CNTN5: variants seen among roughly 807,000 people sequenced by gnomAD.
CNTN5 encodes the protein contactin-5.
A neutral mutation model predicts 129.1 loss-of-function variants in CNTN5; 77 were observed. The observed-to-expected ratio is 0.60, with a 90% CI of 0.50 to 0.72. The LOEUF (loss-of-function observed/expected upper bound fraction) is 0.72. Among genes scored for constraint, CNTN5 ranks in the 30% least tolerant of loss-of-function variants. CNTN5 has a pLI of 0.00. For synonymous variants in CNTN5, 509 were observed against 465.6 expected, an observed-to-expected ratio of 1.09 and a Z score of -1.20; for missense variants, 1,478 against 1,328.8, an observed-to-expected ratio of 1.11 and a Z score of -1.75.
intron 2 of CNTN5, among the ~76,000 whole-genome samples, chr11:99,519,088 C>T (rs1450659855): frequency 1.3e-5 from 2 of 151,996 alleles, no homozygotes; most frequent in East Asian, 1.9e-4. Context: ...ACCAGTACCC[C>T]ATCTCCAACT....
At chr11:99,233,945 C>CAAATAAATAAAT (rs144108946) in intron 1 of CNTN5, among the ~76,000 whole-genome samples, 22 of 150,666 alleles carry the variant, frequency 1.5e-4, no homozygotes, top group African/African-American at 3.2e-4. Flanking sequence ...GACTCCATCT[C>CAAATAAATAAAT]AAATAAATAA....
chr11:99,305,808 C>T (rs1261142453), intron 1 of CNTN5, among the ~76,000 whole-genome samples: 1 of 151,596 alleles, frequency 6.6e-6, no homozygotes, highest in African/African-American at 2.4e-5. Context: ...AGGTGAAACC[C>T]CATCTCTACT....
At chr11:99,574,977 G>A (rs1949297546) in intron 3 of CNTN5, among the ~76,000 whole-genome samples, 1 of 151,970 alleles carries the variant, frequency 6.6e-6, no homozygotes, top group Non-Finnish European at 1.5e-5. Context: ...GAAATAGGAG[G>A]GCTATATACT....
At chr11:99,847,616 C>A (rs1431927610) in intron 6 of CNTN5, among the ~76,000 whole-genome samples, 1 of 152,156 alleles carries the variant, frequency 6.6e-6, no homozygotes, top group African/African-American at 2.4e-5. Context: ...AATTGTTTCT[C>A]CACCTAGATG....
chr11:100,257,136 T>C (rs555301015), intron 17 of CNTN5, among the ~76,000 whole-genome samples: 28 of 152,240 alleles, frequency 1.8e-4, no homozygotes, highest in African/African-American at 6.5e-4. Context: ...ATTGAGTCGG[T>C]GGTTTACCCT....
intron 23 of CNTN5, among the ~76,000 whole-genome samples, chr11:100,346,348 A>T (rs1464162972): frequency 6.6e-6 from 1 of 152,180 alleles, no homozygotes; most frequent in Non-Finnish European, 1.5e-5. Context: ...GATCTCAAAA[A>T]TGGAAAATAT....
intron 1 of CNTN5, among the ~76,000 whole-genome samples, chr11:99,193,839 A>G (rs1254575441): frequency 1.3e-5 from 2 of 152,208 alleles, no homozygotes; most frequent in African/African-American, 2.4e-5. Context: ...AGGTAAGCTC[A>G]TCATTCAAAA....
At chr11:100,127,651 C>CTTTTTTTTTTTTTTT (rs66468227) in intron 13 of CNTN5, among the ~76,000 whole-genome samples, 40 of 81,278 alleles carry the variant, frequency 4.9e-4, no homozygotes, top group African/African-American at 1.2e-3. Context: ...TTCTTTCTTT[C>CTTTTTTTTTTTTTTT]TTTTTTTTTT....
At chr11:99,234,057 G>T (rs145893183) in intron 1 of CNTN5, among the ~76,000 whole-genome samples, 8 of 152,172 alleles carry the variant, frequency 5.3e-5, no homozygotes, top group African/African-American at 1.4e-4. Context: ...AAACTATAAA[G>T]AGAATTGCAT....
At chr11:99,343,124 G>T (rs1181390493) in intron 2 of CNTN5, among the ~76,000 whole-genome samples, 1 of 152,162 alleles carries the variant, frequency 6.6e-6, no homozygotes, top group Admixed American at 6.5e-5. Flanking sequence ...TGGAAGAGAG[G>T]CAATAGCAAG....
chr11:99,612,691 A>G (rs540664414), intron 3 of CNTN5, among the ~76,000 whole-genome samples: 63 of 152,332 alleles, frequency 4.1e-4, no homozygotes, highest in African/African-American at 1.4e-3. Context: ...ATCATTTATT[A>G]ATCTTTTTAA....
rs202228728 is a variant in CNTN5 at position 100,356,122 on chromosome 11, A to G, written c.3205A>G (p.Lys1069Glu). Residue 1069 changes from lysine to glutamate, a missense_variant, in exon 25 of 25, where the codon AAA becomes GAA. Coordinates refer to ENST00000524871, the MANE Select transcript of CNTN5 (RefSeq NM_014361.4). ...TGATGCTTCTTTTTTCACAGGTGGA[A>G]AAATCACAAGTGCACAGTCGACCCT... ...QIRVPSYSGG[K>E]ITSAQSTLHS... The G allele has an allele frequency of 3.0e-5, 49 of 1,607,010 alleles. No individual in the cohort carries two copies. The highest frequency in any genetic ancestry group is 3.9e-5 in the Non-Finnish European group (46 of 1,175,818).
At chr11:99,868,716 T>G (rs1396755316) in intron 6 of CNTN5, among the ~76,000 whole-genome samples, 1 of 152,112 alleles carries the variant, frequency 6.6e-6, no homozygotes, top group Non-Finnish European at 1.5e-5. Flanking sequence ...TAAGGAAGAT[T>G]GACTGTTGGA....
At chr11:99,583,338 C>T (rs1184766262) in intron 3 of CNTN5, among the ~76,000 whole-genome samples, 1 of 152,234 alleles carries the variant, frequency 6.6e-6, no homozygotes, top group African/African-American at 2.4e-5. Flanking sequence ...AGTACCACTA[C>T]TCTCTTCAAA....
intron 9 of CNTN5, among the ~76,000 whole-genome samples, chr11:100,028,345 A>G (rs534570944): frequency 1.1e-4 from 17 of 151,842 alleles, no homozygotes; most frequent in African/African-American, 3.9e-4. Flanking sequence ...TGCCACCTCT[A>G]TGACACCAAA....
intron 1 of CNTN5, among the ~76,000 whole-genome samples, chr11:99,267,824 T>G (rs1862973242): frequency 6.6e-6 from 1 of 151,856 alleles, no homozygotes; most frequent in African/African-American, 2.4e-5. Context: ...TATCCTTGTA[T>G]TTCTCTTCTA....
chr11:99,129,200 C>G (rs943313568), intron 1 of CNTN5, among the ~76,000 whole-genome samples: 2 of 152,022 alleles, frequency 1.3e-5, no homozygotes, highest in Admixed American at 6.6e-5. Context: ...AAACTAAGAA[C>G]CATGATAAAA....
chr11:99,913,744 T>G (rs1949720092), intron 6 of CNTN5, among the ~76,000 whole-genome samples: 1 of 152,152 alleles, frequency 6.6e-6, no homozygotes, highest in Non-Finnish European at 1.5e-5. Context: ...AATTTAGGAC[T>G]GTTTTCTATT....
intron 10 of CNTN5, among the ~76,000 whole-genome samples, chr11:100,067,169 T>C (rs1160231200): frequency 6.6e-6 from 1 of 152,104 alleles, no homozygotes; most frequent in East Asian, 1.9e-4. Context: ...TTGTGAAGGA[T>C]AGCCATTCAT....
Sources: gnomAD v4.1 joint callset for allele counts (sites outside exome capture counted in the v4.1 genomes callset) on GRCh38, gnomAD v4.1.1 for gene constraint, MANE v1.5 for transcripts, NCBI Gene and HGNC (gene_info 2026-07-23, HGNC 2026-07-21) for gene names.